Variants in ACOX1 observed in about 807,000 individuals in gnomAD.
ACOX1 encodes acyl-CoA oxidase 1.
ACOX1 carries 41 observed loss-of-function variants against 75.5 expected under a neutral mutation model. That is an observed-to-expected ratio of 0.54 (90% CI 0.42 to 0.70). The LOEUF is 0.70. Ranked by LOEUF, ACOX1 falls within the 30% of genes least tolerant of loss-of-function variation. ACOX1 has a pLI of 0.00. For missense variants in ACOX1, 630 were observed against 837.5 expected, an observed-to-expected ratio of 0.75 and a Z score of 3.06; for synonymous variants, 303 against 298.8, an observed-to-expected ratio of 1.01 and a Z score of -0.15.
rs536938567 is a variant in ACOX1 at position 75,942,727 on chromosome 17, G to A, written c.*4021C>T. On this transcript the variant is annotated 3_prime_UTR_variant, in exon 14 of 14. Transcript: ENST00000293217. ...TATATCCCAGGCATACCCTCTACAC[G>A]TATAAAAAGATGTGCAGGTGTTACA... is the stretch of plus-strand genomic sequence containing the variant. 6 of 152,004 alleles carry A rather than the reference G, an allele frequency of 3.9e-5. No homozygotes were observed. The highest frequency in any genetic ancestry group is 1.2e-4 in the African/African-American group (5 of 41,446). 9.4% of individuals were successfully genotyped at this position (152,004 alleles called of 1,614,324 possible). A position where few individuals can be genotyped will look rare whatever the true frequency, so the allele number is the denominator to read the frequency against.
intron 2 of ACOX1, chr17:75,973,562 C>T: frequency 6.4e-7 from 1 of 1,567,036 alleles, no homozygotes; most frequent in Admixed American, 1.7e-5. Context: ...AGTCAAATGC[C>T]AGCAATCACT....
At chr17:75,975,919 G>T (rs1490696091) in intron 2 of ACOX1, among the ~76,000 whole-genome samples, 2 of 149,164 alleles carry the variant, frequency 1.3e-5, no homozygotes, top group Non-Finnish European at 3.0e-5. Context: ...GAAAGAGAAA[G>T]AAAAAGAAAG....
chr17:75,943,429 AGAG>A lies in ACOX1; in HGVS notation c.*3316_*3318del, dbSNP rs1478757695. On this transcript the variant is annotated 3_prime_UTR_variant, in exon 14 of 14. Coordinates refer to ENST00000293217, the MANE Select transcript of ACOX1 (RefSeq NM_004035.7). Reference sequence around the variant, plus strand: ...TGTGCACCAGTAATCCCAGCTTCTCAGAGGAGGCCAAAGCAGGAGGATCACTTG... The same window carrying A: ...TGTGCACCAGTAATCCCAGCTTCTCAGAGGCCAAAGCAGGAGGATCACTTG... The A allele has an allele frequency of 3.3e-5, 5 of 152,170 alleles. No individual in the cohort carries two copies. The highest frequency in any genetic ancestry group is 7.3e-5 in the Non-Finnish European group (5 of 68,096). 9.4% of individuals were successfully genotyped at this position (152,170 alleles called of 1,614,324 possible).
At chr17:75,975,458 T>C (rs56291490) in intron 2 of ACOX1, among the ~76,000 whole-genome samples, 7,930 of 152,266 alleles carry the variant, frequency 0.052, 233 homozygotes, top group East Asian at 0.14. Flanking sequence ...CATGCCCCAG[T>C]CCCATTGTCT....
intron 2 of ACOX1, among the ~76,000 whole-genome samples, chr17:75,970,184 C>CAAA (rs55762557): frequency 2.0e-4 from 14 of 69,094 alleles, no homozygotes; most frequent in Admixed American, 4.9e-4. Context: ...GAGACTCCTT[C>CAAA]AAAAAAAAAA....
In ACOX1 at chr17:75,979,147, C is replaced by T. The variant is rs1300840004; in HGVS notation, c.-74G>A. The T allele has an allele frequency of 1.1e-5, 17 of 1,571,052 alleles. No homozygotes were observed. The highest frequency in any genetic ancestry group is 5.5e-5 in the African/African-American group (4 of 72,794). On this transcript the variant is annotated 5_prime_UTR_variant, in exon 1 of 14. Coordinates refer to ENST00000293217, the MANE Select transcript of ACOX1 (RefSeq NM_004035.7). ...ACAATCTAAATCCGCAGCTCCAGCGCCGGCCGGACCCTAGGAGGCAGCCTC... is the reference window on the plus strand; with the variant it reads ...ACAATCTAAATCCGCAGCTCCAGCGTCGGCCGGACCCTAGGAGGCAGCCTC...
chr17:75,960,174 G>C lies in ACOX1; in HGVS notation c.430+41C>G, dbSNP rs534065883. ...GCACTCCACACATGGTAAGCTCACA[G>C]GGGCCCGCCCAACCCAGAAGGTAGA... On this transcript the variant is annotated intron_variant, in intron 3 of 13. Coordinates refer to ENST00000293217, the MANE Select transcript of ACOX1 (RefSeq NM_004035.7). The surrounding 1 kb of genome is among the most constrained non-coding windows in gnomAD (Gnocchi z 4.4). The C allele has an allele frequency of 1.2e-6, 2 of 1,612,878 alleles. No individual in the cohort carries two copies. Among genetic ancestry groups the C allele is most frequent in the South Asian group, 1.1e-5 (1 of 90,960 alleles).
Position 75,953,462 on chromosome 17 carries a change from T to G in ACOX1, c.933A>C (p.Glu311Asp), listed in dbSNP as rs773855029. Reference protein sequence around the residue: ...IRYSAVRHQSEIKPGEPEPQI... With the variant: ...IRYSAVRHQSDIKPGEPEPQI... ...GACCCTATCCTTACCCTGGCTTGAT[T>G]TCAGACTGGTGCCTCACAGCGCTGT... Residue 311 changes from glutamate (E) to aspartate (D), a missense_variant, in exon 7 of 14, where the codon GAA becomes GAC. Physicochemically the swap from Glu to Asp is conservative, Grantham distance 45. Around this residue, in one of 2 missense-constraint regions of ACOX1, gnomAD observed 390 missense variants for 574.9 expected, o/e 0.68. Transcript: ENST00000293217. 1 of 1,613,864 alleles carries G rather than the reference T, an allele frequency of 6.2e-7. No homozygotes were observed. Among genetic ancestry groups the G allele is most frequent in the Non-Finnish European group, 8.5e-7 (1 of 1,179,834 alleles).
At chr17:75,977,275 C>A (rs1244124075) in intron 2 of ACOX1, among the ~76,000 whole-genome samples, 1 of 151,914 alleles carries the variant, frequency 6.6e-6, no homozygotes, top group African/African-American at 2.4e-5. Flanking sequence ...AGATTACAGG[C>A]ATGAGCCACT....
intron 13 of ACOX1, among the ~76,000 whole-genome samples, chr17:75,947,867 CA>C (rs1330401289): frequency 2.6e-5 from 4 of 151,916 alleles, no homozygotes; most frequent in Non-Finnish European, 5.9e-5. Flanking sequence ...AGCCGTGCAC[CA>C]TTACTGCCTG....
chr17:75,968,073 A>C (rs547841764), intron 2 of ACOX1, among the ~76,000 whole-genome samples: 33 of 151,936 alleles, frequency 2.2e-4, no homozygotes, highest in Admixed American at 1.8e-3. Context: ...AAACACAAAC[A>C]GTAAATCAAA....
intron 2 of ACOX1, among the ~76,000 whole-genome samples, chr17:75,974,809 G>C (rs1135246): frequency 6.6e-6 from 1 of 151,978 alleles, no homozygotes; most frequent in African/African-American, 2.4e-5. Flanking sequence ...AAGGCGGGTG[G>C]ATCACGAGGT....
chr17:75,949,195 C>G (rs746091353), intron 12 of ACOX1, 22 bp downstream of exon 12: 1 of 1,613,954 alleles, frequency 6.2e-7, no homozygotes, highest in Admixed American at 1.7e-5. Context: ...ACAAAAAAGA[C>G]TTATACTTAG....
rs1424601099 is a variant in ACOX1, at chr17:75,967,667, T to TATACATATATATACGTATATATATAC, written c.270-7318_270-7293dup. ...ATACGTATATATATACATACATATA[T>TATACATATATATACGTATATATATAC]ATACATATATATACGTATATATATA... On this transcript the variant is annotated intron_variant, in intron 2 of 13. Coordinates refer to ENST00000293217, the MANE Select transcript of ACOX1 (RefSeq NM_004035.7). Among the ~76,000 whole-genome samples the TATACATATATATACGTATATATATAC allele has an allele frequency of 2.5e-4, 25 of 98,544 alleles. 1 individual carries two copies. Among genetic ancestry groups the TATACATATATATACGTATATATATAC allele is most frequent in the South Asian group, 5.4e-4 (2 of 3,738 alleles). 64.6% of individuals were successfully genotyped at this position (98,544 alleles called of 152,430 possible). A position where few individuals can be genotyped will look rare whatever the true frequency, so the allele number is the denominator to read the frequency against.
Position 75,951,595 on chromosome 17 carries a change from A to G in ACOX1, c.945-18T>C. The G allele has an allele frequency of 6.2e-7, 1 of 1,613,654 alleles. No homozygotes were observed. Among genetic ancestry groups the G allele is most frequent in the Non-Finnish European group, 8.5e-7 (1 of 1,179,714 alleles). ...CTGGTTCACTACGTGACATAGAAAA[A>G]GAAAAAAAGTAGTAAGTAAATGTTT... is the stretch of plus-strand genomic sequence containing the variant. On this transcript the variant is annotated intron_variant, in intron 7 of 13. Transcript: ENST00000293217.
chr17:75,946,874 TTG>T, intron 13 of ACOX1, 79 bp from the exon 14 acceptor site: 3 of 1,416,482 alleles, frequency 2.1e-6, no homozygotes, highest in Non-Finnish European at 2.9e-6. Flanking sequence ...GTTTTTGTTT[TTG>T]TTTTTTTTTT....
chr17:75,970,182 T>C (rs1460548641), intron 2 of ACOX1, among the ~76,000 whole-genome samples: 1 of 54,044 alleles, frequency 1.9e-5, no homozygotes, highest in African/African-American at 2.3e-4. Flanking sequence ...ATGAGACTCC[T>C]TCAAAAAAAA....
rs768307965 is a variant in ACOX1, at chr17:75,946,790, G to A, written c.1941C>T (p.His647=). The part of the protein sequence containing the change: ...KNSPLNKAEV[H]ESYKHLKSLQ... ...GTGACTTCAGGTGCTTGTAAGATTCGTGGACCTGTGGGGAAAGGAGAGAGA... is the reference window on the plus strand; with the variant it reads ...GTGACTTCAGGTGCTTGTAAGATTCATGGACCTGTGGGGAAAGGAGAGAGA... Residue 647 remains histidine (H), a synonymous_variant, in exon 14 of 14, where the codon CAC becomes CAT. Coordinates refer to ENST00000293217, the MANE Select transcript of ACOX1 (RefSeq NM_004035.7). The A allele has an allele frequency of 4.3e-6, 7 of 1,613,414 alleles. No homozygotes were observed. The highest frequency in any genetic ancestry group is 5.9e-6 in the Non-Finnish European group (7 of 1,179,548).
rs758043070 is a variant in ACOX1, at chr17:75,978,950, G to C, written c.109+15C>G. On this transcript the variant is annotated intron_variant, in intron 1 of 13. Coordinates refer to ENST00000293217, the MANE Select transcript of ACOX1 (RefSeq NM_004035.7). This position sits in a 1 kb window ranked among gnomAD's most constrained non-coding sequence, Gnocchi z 4.2. ...TTTCTCGGGAAAGGAGGGAGGTCTC[G>C]CCCGCCGCCCTCACCGATCTCTCGG... The C allele has an allele frequency of 5.6e-6, 9 of 1,608,518 alleles. No homozygotes were observed. The highest frequency in any genetic ancestry group is 7.6e-6 in the Non-Finnish European group (9 of 1,179,882).
Sources: allele counts gnomAD v4.1 joint callset (sites outside exome capture counted in the v4.1 genomes callset), GRCh38; gene constraint gnomAD v4.1.1; regional missense constraint gnomAD v4.1.1; non-coding constraint Gnocchi (gnomAD v3.1); transcripts MANE v1.5; gene names NCBI Gene and HGNC (gene_info 2026-07-23, HGNC 2026-07-21).